Variants in CSMD3 observed in about 807,000 individuals in gnomAD.
The protein encoded by CSMD3 is CUB and Sushi multiple domains 3.
Under a neutral mutation model 435.2 loss-of-function variants are expected in CSMD3, and 177 were observed. The observed-to-expected ratio is 0.41, with a 90% CI of 0.36 to 0.46. The LOEUF (loss-of-function observed/expected upper bound fraction) is 0.46, where lower values mean the gene tolerates loss of function less well. Ranked by LOEUF, CSMD3 falls within the 20% of genes least tolerant of loss-of-function variation. CSMD3 has a pLI of 0.34. For missense variants in CSMD3, 4,265 were observed against 4,504.6 expected (o/e 0.95, Z 1.52); for synonymous variants, 1,656 against 1,520.5 (o/e 1.09, Z -2.07).
At chr8:112,834,901 G>A (rs2079977592) in intron 11 of CSMD3, among the ~76,000 whole-genome samples, 3 of 151,734 alleles carry the variant, frequency 2.0e-5, no homozygotes, top group South Asian at 4.2e-4. Context: ...ATTGCATTTA[G>A]CACATAGGAC....
At chr8:113,070,806 A>G (rs2089078452) in intron 5 of CSMD3, among the ~76,000 whole-genome samples, 1 of 151,958 alleles carries the variant, frequency 6.6e-6, no homozygotes, top group Admixed American at 6.6e-5. Context: ...TCTCTTTAAC[A>G]TTTCATTTTA....
chr8:112,563,205 C>G (rs1484367362), intron 24 of CSMD3, among the ~76,000 whole-genome samples: 1 of 151,612 alleles, frequency 6.6e-6, no homozygotes, highest in Non-Finnish European at 1.5e-5. Context: ...CTAATAAAAA[C>G]AAATTTGACA....
At chr8:112,553,143 C>G (rs1827833042) in intron 25 of CSMD3, among the ~76,000 whole-genome samples, 1 of 151,986 alleles carries the variant, frequency 6.6e-6, no homozygotes, top group African/African-American at 2.4e-5. Flanking sequence ...GTCCCTCAGG[C>G]CTTCTAAATT....
chr8:112,744,039 A>C (rs538715262), intron 13 of CSMD3, among the ~76,000 whole-genome samples: 1 of 152,070 alleles, frequency 6.6e-6, no homozygotes, highest in Non-Finnish European at 1.5e-5. Flanking sequence ...ACTAAATATA[A>C]TTTTTATGAA....
At chr8:113,380,619 A>G (rs1318020105) in intron 1 of CSMD3, among the ~76,000 whole-genome samples, 3 of 152,172 alleles carry the variant, frequency 2.0e-5, no homozygotes. Context: ...TAACACATCC[A>G]AACTCAAAAC....
At chr8:112,500,359 G>A (rs1821821108) in intron 30 of CSMD3, among the ~76,000 whole-genome samples, 1 of 152,124 alleles carries the variant, frequency 6.6e-6, no homozygotes, top group Non-Finnish European at 1.5e-5. Flanking sequence ...AGATAAAAAA[G>A]CTAATCTAAA....
intron 3 of CSMD3, among the ~76,000 whole-genome samples, chr8:113,177,764 C>T (rs2092367932): frequency 6.6e-6 from 1 of 151,866 alleles, no homozygotes; most frequent in Admixed American, 6.6e-5. Flanking sequence ...TAATTAAAAT[C>T]CATCTGGTTT....
chr8:112,497,280 G>A (rs1821450384), intron 30 of CSMD3, among the ~76,000 whole-genome samples: 2 of 151,976 alleles, frequency 1.3e-5, no homozygotes, highest in Non-Finnish European at 2.9e-5. Flanking sequence ...AATGAATAGG[G>A]ATCTAGTCTT....
chr8:112,531,738 TGAA>T (rs955146999), intron 27 of CSMD3, among the ~76,000 whole-genome samples: 2 of 152,130 alleles, frequency 1.3e-5, no homozygotes, highest in African/African-American at 4.8e-5. Flanking sequence ...AAATGTTCTC[TGAA>T]GAAGGATGGG....
chr8:113,154,150 A>G (rs1363769818), intron 4 of CSMD3, among the ~76,000 whole-genome samples: 1 of 152,064 alleles, frequency 6.6e-6, no homozygotes, highest in Non-Finnish European at 1.5e-5. Flanking sequence ...ATGTACAGAG[A>G]TGAGTAAGTT....
At chr8:112,588,811 T>C (rs1830942265) in intron 22 of CSMD3, among the ~76,000 whole-genome samples, 1 of 152,142 alleles carries the variant, frequency 6.6e-6, no homozygotes, top group African/African-American at 2.4e-5. Flanking sequence ...TGTGAACTGC[T>C]GAGAAACTTT....
At chr8:113,164,636 G>C (rs1055768408) in intron 4 of CSMD3, among the ~76,000 whole-genome samples, 1 of 151,914 alleles carries the variant, frequency 6.6e-6, no homozygotes, top group Non-Finnish European at 1.5e-5. Flanking sequence ...GTTTTTGAAG[G>C]CATCCAAGTT....
At chr8:113,255,904 G>A (rs2093376372) in intron 3 of CSMD3, among the ~76,000 whole-genome samples, 2 of 151,840 alleles carry the variant, frequency 1.3e-5, no homozygotes, top group Admixed American at 6.6e-5. Context: ...TTATTTTACA[G>A]TGTCAATAAC....
intron 3 of CSMD3, among the ~76,000 whole-genome samples, chr8:113,276,035 A>G (rs1199023855): frequency 6.6e-6 from 1 of 152,054 alleles, no homozygotes; most frequent in East Asian, 1.9e-4. Flanking sequence ...GAGCTTCACA[A>G]TATGCCAGTT....
chr8:112,775,809 C>G (rs1213574890), intron 13 of CSMD3, among the ~76,000 whole-genome samples: 1 of 151,820 alleles, frequency 6.6e-6, no homozygotes, highest in East Asian at 1.9e-4. Flanking sequence ...TCCATCTTTG[C>G]ATAAAATATA....
chr8:112,335,737 GTT>G (rs60064881), intron 44 of CSMD3, among the ~76,000 whole-genome samples: 3,249 of 134,308 alleles, frequency 0.024, 122 homozygotes, highest in African/African-American at 0.084. Context: ...CATTGTCTTT[GTT>G]TTTTTTTTTT....
intron 1 of CSMD3, among the ~76,000 whole-genome samples, chr8:113,338,986 A>T (rs1046126986): frequency 6.6e-5 from 10 of 152,056 alleles, no homozygotes; most frequent in Admixed American, 5.9e-4. Context: ...TATTGAAAAT[A>T]ACAGATTTTC....
chr8:113,002,134 G>A lies in CSMD3; in HGVS notation c.1030+16933C>T, dbSNP rs574066445. On this transcript the variant is annotated intron_variant, in intron 6 of 70. Transcript: ENST00000297405. The stretch of plus-strand genomic sequence containing the variant: ...CATGAAAGCTGACTTTTGGTTTTTA[G>A]CACTTTTATTGTGTGAGACAATGTG... Among the ~76,000 whole-genome samples the A allele has an allele frequency of 3.3e-5, 5 of 152,154 alleles. 1 individual carries two copies. In the South Asian group the frequency reaches 1.0e-3, roughly 32 times the overall value.
At chr8:112,957,232 C>T (rs944529248) in intron 7 of CSMD3, among the ~76,000 whole-genome samples, 1 of 152,066 alleles carries the variant, frequency 6.6e-6, no homozygotes, top group Admixed American at 6.6e-5. Flanking sequence ...ATGAGTGCTT[C>T]TAATGACCAT....
Sources: allele counts gnomAD v4.1 joint callset (sites outside exome capture counted in the v4.1 genomes callset), GRCh38; gene constraint gnomAD v4.1.1; transcripts MANE v1.5; gene names NCBI Gene and HGNC (gene_info 2026-07-23, HGNC 2026-07-21).